EPAS1: variants seen among roughly 807,000 people sequenced by gnomAD.
The protein encoded by EPAS1 is endothelial PAS domain protein 1, also known as endothelial PAS domain-containing protein 1.
In EPAS1, 23 loss-of-function variants were observed where a neutral mutation model predicts 87.9. That is an observed-to-expected ratio of 0.26 (90% CI 0.19 to 0.37). EPAS1 has a LOEUF of 0.37. Among genes scored for constraint, EPAS1 ranks in the 10% least tolerant of loss-of-function variants. The pLI, the probability that EPAS1 is intolerant of heterozygous loss-of-function variation, is 1.00. For missense variants in EPAS1, 1,138 were observed against 1,120.7 expected, an observed-to-expected ratio of 1.02 and a Z score of -0.22; for synonymous variants, 508 against 444.3, an observed-to-expected ratio of 1.14 and a Z score of -1.80.
intron 6 of EPAS1, 67 bp downstream of exon 6, chr2:46,361,157 G>T: frequency 6.5e-7 from 1 of 1,540,588 alleles, no homozygotes; most frequent in African/African-American, 1.4e-5. Flanking sequence ...GGGGAGTTGT[G>T]CCTGTATTAA....
At chr2:46,298,400 C>T (rs976332919) in intron 1 of EPAS1, among the ~76,000 whole-genome samples, 1 of 152,222 alleles carries the variant, frequency 6.6e-6, no homozygotes, top group African/African-American at 2.4e-5. Flanking sequence ...GCCCGCGCCG[C>T]GGCCCAAGTG....
At chr2:46,381,231 ACCTG>A in intron 12 of EPAS1, 1 of 379,900 alleles carries the variant, frequency 2.6e-6, no homozygotes. Context: ...TTGGTACATG[ACCTG>A]CCACTCCCAG....
At chr2:46,301,427 A>C (rs1351183243) in intron 1 of EPAS1, among the ~76,000 whole-genome samples, 1 of 152,020 alleles carries the variant, frequency 6.6e-6, no homozygotes, top group South Asian at 2.1e-4. Context: ...ACACAAAAAA[A>C]TTAGCCGGGC....
intron 14 of EPAS1, 106 bp from the exon 15 acceptor site, chr2:46,382,319 T>C (rs1684917150): frequency 6.9e-7 from 1 of 1,445,630 alleles, no homozygotes; most frequent in Admixed American, 1.7e-5. Context: ...GCTGTAGTTC[T>C]GGTGACTCTG....
chr2:46,354,569 G>C (rs1481023429), intron 2 of EPAS1, among the ~76,000 whole-genome samples: 1 of 150,690 alleles, frequency 6.6e-6, no homozygotes, highest in Admixed American at 6.6e-5. Flanking sequence ...AGATAGGGCA[G>C]GATACTCAAA....
chr2:46,325,336 C>T (rs1485396886), intron 1 of EPAS1, among the ~76,000 whole-genome samples: 2 of 152,180 alleles, frequency 1.3e-5, no homozygotes, highest in Admixed American at 1.3e-4. Context: ...CAGATGGGAG[C>T]AAGAACATAC....
chr2:46,373,063 G>T (rs1361362189), intron 7 of EPAS1, among the ~76,000 whole-genome samples: 3 of 152,230 alleles, frequency 2.0e-5, no homozygotes, highest in African/African-American at 7.2e-5. Context: ...CAGACATGTT[G>T]TGTAGCTCAG....
At chr2:46,341,620 A>G (rs1683915673) in intron 1 of EPAS1, among the ~76,000 whole-genome samples, 1 of 152,214 alleles carries the variant, frequency 6.6e-6, no homozygotes, top group South Asian at 2.1e-4. Flanking sequence ...GGTGACTTCA[A>G]ATTTGCTGGA....
chr2:46,311,076 C>T (rs1006011999), intron 1 of EPAS1, among the ~76,000 whole-genome samples: 3 of 152,198 alleles, frequency 2.0e-5, no homozygotes, highest in African/African-American at 4.8e-5. Context: ...GACGGGGTTT[C>T]ACCGTGTTAA....
At chr2:46,336,656 G>T (rs1284139191) in intron 1 of EPAS1, among the ~76,000 whole-genome samples, 9 of 152,214 alleles carry the variant, frequency 5.9e-5, no homozygotes, top group African/African-American at 1.7e-4. Flanking sequence ...TAGGATGGCA[G>T]CAGGCAGCAC....
At chr2:46,341,694 C>T (rs576801374) in intron 1 of EPAS1, among the ~76,000 whole-genome samples, 3 of 149,918 alleles carry the variant, frequency 2.0e-5, no homozygotes, top group Admixed American at 6.6e-5. Flanking sequence ...TGGAAGTGGA[C>T]CTGGGCGTCA....
chr2:46,341,583 T>A (rs1011862006), intron 1 of EPAS1, among the ~76,000 whole-genome samples: 5 of 152,228 alleles, frequency 3.3e-5, no homozygotes, highest in African/African-American at 1.2e-4. Context: ...CACCAACTCC[T>A]AGATAAATGA....
At chr2:46,353,243 G>C (rs891868609) in intron 2 of EPAS1, among the ~76,000 whole-genome samples, 2 of 152,172 alleles carry the variant, frequency 1.3e-5, no homozygotes, top group Admixed American at 1.3e-4. Context: ...AAGGTCACTC[G>C]TAGGATCTTT....
intron 13 of EPAS1, 21 bp downstream of exon 13, chr2:46,381,743 A>C (rs748331423): frequency 3.7e-6 from 6 of 1,613,438 alleles, no homozygotes; most frequent in Non-Finnish European, 5.1e-6. Flanking sequence ...CCCACTGGCC[A>C]CAGGGGCCTC....
At chr2:46,350,071 T>G (rs1684118066) in intron 2 of EPAS1, among the ~76,000 whole-genome samples, 1 of 152,346 alleles carries the variant, frequency 6.6e-6, no homozygotes, top group African/African-American at 2.4e-5. Flanking sequence ...CTCAATAAGT[T>G]ATAGCTTAGA....
intron 1 of EPAS1, among the ~76,000 whole-genome samples, chr2:46,316,759 G>GT (rs142945822): frequency 0.048 from 7,341 of 152,108 alleles, 630 homozygotes; most frequent in African/African-American, 0.17. Flanking sequence ...CAAGAATGAA[G>GT]TTTTTTACAT....
intron 2 of EPAS1, among the ~76,000 whole-genome samples, chr2:46,352,732 G>T (rs1038604102): frequency 6.6e-6 from 1 of 152,210 alleles, no homozygotes; most frequent in African/African-American, 2.4e-5. Flanking sequence ...AAGAGACCCT[G>T]TCCCGGCCCT....
chr2:46,381,908 AC>A, intron 13 of EPAS1, 66 bp from the exon 14 acceptor site: 3 of 1,006,494 alleles, frequency 3.0e-6, no homozygotes, highest in Non-Finnish European at 1.5e-6. Flanking sequence ...GGCCCACCCA[AC>A]CCACCCAGTC....
intron 1 of EPAS1, among the ~76,000 whole-genome samples, chr2:46,322,789 A>G (rs72885052): frequency 0.029 from 4,386 of 152,304 alleles, 183 homozygotes; most frequent in African/African-American, 0.093. Flanking sequence ...TGGCAAAGGC[A>G]TAGATACCAC....
Sources: gnomAD v4.1 joint callset for allele counts (sites outside exome capture counted in the v4.1 genomes callset) on GRCh38, gnomAD v4.1.1 for gene constraint, MANE v1.5 for transcripts, NCBI Gene and HGNC (gene_info 2026-07-23, HGNC 2026-07-21) for gene names.